Variants in ARHGAP42 observed in about 807,000 individuals in gnomAD.
ARHGAP42 encodes the protein Rho GTPase activating protein 42.
A neutral mutation model predicts 125.0 loss-of-function variants in ARHGAP42; 63 were observed. That is an observed-to-expected ratio of 0.50 (90% confidence interval 0.41 to 0.62). The LOEUF is 0.62. Among genes scored for constraint, ARHGAP42 ranks in the 20% least tolerant of loss-of-function variants. ARHGAP42 has a pLI of 0.00. For missense variants in ARHGAP42, 766 were observed against 1,024.2 expected (o/e 0.75, Z 3.44); for synonymous variants, 339 against 351.0 (o/e 0.97, Z 0.38).
At chr11:100,895,276 G>C (rs1021974974) in intron 4 of ARHGAP42, among the ~76,000 whole-genome samples, 3 of 151,994 alleles carry the variant, frequency 2.0e-5, no homozygotes, top group Admixed American at 1.3e-4. Context: ...GAAGTAAAAC[G>C]TGTTAGCTCA....
At chr11:100,790,092 A>T (rs1185283013) in intron 2 of ARHGAP42, among the ~76,000 whole-genome samples, 1 of 152,194 alleles carries the variant, frequency 6.6e-6, no homozygotes, top group Non-Finnish European at 1.5e-5. Context: ...AATTTTTAAC[A>T]TTTTCTCTCA....
intron 1 of ARHGAP42, among the ~76,000 whole-genome samples, chr11:100,760,034 T>C (rs1862666467): frequency 6.6e-6 from 1 of 152,164 alleles, no homozygotes; most frequent in South Asian, 2.1e-4. Flanking sequence ...GTTTTAAAGG[T>C]ACGTTAATAG....
chr11:100,870,550 T>C (rs936194007), intron 4 of ARHGAP42, among the ~76,000 whole-genome samples: 4 of 152,206 alleles, frequency 2.6e-5, no homozygotes, highest in East Asian at 1.9e-4. Flanking sequence ...TTCAGGGTCA[T>C]TGGGTTTCCA....
At chr11:100,698,757 T>C (rs1380933146) in intron 1 of ARHGAP42, among the ~76,000 whole-genome samples, 3 of 152,224 alleles carry the variant, frequency 2.0e-5, no homozygotes, top group African/African-American at 2.4e-5. Context: ...AGGAAGAACA[T>C]TCTCTTTAAA....
At chr11:100,888,258 A>G (rs2135187599) in intron 4 of ARHGAP42, among the ~76,000 whole-genome samples, 1 of 152,036 alleles carries the variant, frequency 6.6e-6, no homozygotes, top group East Asian at 1.9e-4. Flanking sequence ...GCTTTTCCAT[A>G]ATTTAGCTTG....
chr11:100,859,717 C>T (rs916907276), intron 4 of ARHGAP42, 92 bp downstream of exon 4: 2 of 1,043,102 alleles, frequency 1.9e-6, no homozygotes, highest in African/African-American at 1.7e-5. Flanking sequence ...ATTAGAATGA[C>T]CTTTTAAAAG....
At chr11:100,725,675 C>T (rs1370146789) in intron 1 of ARHGAP42, among the ~76,000 whole-genome samples, 4 of 151,576 alleles carry the variant, frequency 2.6e-5, no homozygotes, top group African/African-American at 7.3e-5. Context: ...CAGTGGCTCA[C>T]GCCTGGAATC....
intron 1 of ARHGAP42, among the ~76,000 whole-genome samples, chr11:100,734,862 A>G (rs929650602): frequency 6.6e-6 from 1 of 152,220 alleles, no homozygotes; most frequent in Non-Finnish European, 1.5e-5. Flanking sequence ...CATGTGTGCT[A>G]TGATTCCAAA....
At chr11:100,756,551 A>T (rs954704953) in intron 1 of ARHGAP42, among the ~76,000 whole-genome samples, 1 of 152,220 alleles carries the variant, frequency 6.6e-6, no homozygotes, top group African/African-American at 2.4e-5. Flanking sequence ...TGAAAACGGC[A>T]TATACATTTG....
intron 1 of ARHGAP42, among the ~76,000 whole-genome samples, chr11:100,700,551 C>T (rs76967195): frequency 2.6e-5 from 4 of 152,252 alleles, no homozygotes; most frequent in Admixed American, 6.5e-5. Context: ...TATTCTAAAT[C>T]GCTTGCTGTC....
At chr11:100,925,112 G>A (rs561913083) in intron 6 of ARHGAP42, among the ~76,000 whole-genome samples, 3 of 152,082 alleles carry the variant, frequency 2.0e-5, no homozygotes, top group Admixed American at 6.6e-5. Flanking sequence ...GATTACAGGC[G>A]TGAGCCACCA....
At chr11:100,985,127 C>T (rs916195664) in intron 22 of ARHGAP42, among the ~76,000 whole-genome samples, 42 of 152,172 alleles carry the variant, frequency 2.8e-4, no homozygotes, top group African/African-American at 9.4e-4. Flanking sequence ...CCATAAAATA[C>T]TATAAATACA....
intron 1 of ARHGAP42, among the ~76,000 whole-genome samples, chr11:100,711,174 G>A (rs1591121211): frequency 6.6e-6 from 1 of 152,182 alleles, no homozygotes; most frequent in African/African-American, 2.4e-5. Flanking sequence ...TGGGACTGTT[G>A]TATATTTGAC....
intron 1 of ARHGAP42, among the ~76,000 whole-genome samples, chr11:100,721,815 G>A (rs1861763735): frequency 6.6e-6 from 1 of 152,070 alleles, no homozygotes; most frequent in South Asian, 2.1e-4. Context: ...ATGTTATATG[G>A]ATGTACACCA....
At chr11:100,904,655 T>A (rs1357281855) in intron 4 of ARHGAP42, among the ~76,000 whole-genome samples, 1 of 151,792 alleles carries the variant, frequency 6.6e-6, no homozygotes, top group South Asian at 2.1e-4. Flanking sequence ...CCTCCCCACC[T>A]TTTTTTTGGA....
chr11:100,982,271 G>T (rs1858564026), intron 22 of ARHGAP42, among the ~76,000 whole-genome samples: 1 of 152,186 alleles, frequency 6.6e-6, no homozygotes, highest in Non-Finnish European at 1.5e-5. Context: ...TTGGAGATCT[G>T]TAAGAAAGCA....
chr11:100,772,040 A>G (rs575140944), intron 2 of ARHGAP42, among the ~76,000 whole-genome samples: 1 of 152,204 alleles, frequency 6.6e-6, no homozygotes, highest in Non-Finnish European at 1.5e-5. Context: ...CTCCACAATC[A>G]CATTCCTCTT....
intron 21 of ARHGAP42, among the ~76,000 whole-genome samples, chr11:100,978,343 G>T (rs1286183902): frequency 6.6e-6 from 1 of 151,988 alleles, no homozygotes; most frequent in Non-Finnish European, 1.5e-5. Flanking sequence ...AGAACATCAA[G>T]GAATTTTATA....
At chr11:100,986,176 C>G in intron 22 of ARHGAP42, 1 of 449,264 alleles carries the variant, frequency 2.2e-6, no homozygotes, top group Non-Finnish European at 4.5e-6. Flanking sequence ...TAACAAAATA[C>G]CAGATACTAA....
Sources: allele counts gnomAD v4.1 joint callset (sites outside exome capture counted in the v4.1 genomes callset), GRCh38; gene constraint gnomAD v4.1.1; transcripts MANE v1.5; gene names NCBI Gene and HGNC (gene_info 2026-07-23, HGNC 2026-07-21).